The following RHBDD3 variants were observed in gnomAD, a reference collection of about 807,000 sequenced individuals.
The protein encoded by RHBDD3 is rhomboid domain-containing protein 3.
RHBDD3 carries 34 observed loss-of-function variants against 32.3 expected under a neutral mutation model. The ratio of observed to expected loss-of-function variants is 1.05; its 90% CI spans 0.80 to 1.40. RHBDD3 has a LOEUF of 1.40. Ranked by LOEUF, RHBDD3 falls within the 40% of genes most tolerant of loss-of-function variation. The pLI is 0.00. For synonymous variants in RHBDD3, 249 were observed against 239.1 expected (o/e 1.04, Z -0.38); for missense variants, 482 against 492.6 (o/e 0.98, Z 0.20).
intron 4 of RHBDD3, among the ~76,000 whole-genome samples, chr22:29,263,004 T>C (rs1016903927): frequency 2.0e-5 from 3 of 151,982 alleles, no homozygotes; most frequent in African/African-American, 4.8e-5. Flanking sequence ...GTCTCCCAAG[T>C]AGCTGGGACT....
chr22:29,268,006 C>G (rs2058267417), upstream of RHBDD3: 1 of 447,856 alleles, frequency 2.2e-6, no homozygotes, highest in Non-Finnish European at 4.1e-6. Context: ...AGCGACCGTC[C>G]CTAGAGCCAG....
Position 29,260,178 on chromosome 22 carries a change from G to T in RHBDD3, c.1043C>A (p.Ala348Asp). The change falls in exon 7 of 7, where the codon GCC (alanine) becomes GAC (aspartate). Residue 348 changes from alanine (A) to aspartate (D), a missense_variant. Coordinates refer to ENST00000216085, the MANE Select transcript of RHBDD3 (RefSeq NM_012265.3). ...CACGGCACCCTCCACACGGCCTGTG[G>T]CTGCCAGTGCCACCACCGCCTGCTC... ...PTEQAVVALAATGRVEGAVSL... is the reference protein window; with the variant it reads ...PTEQAVVALADTGRVEGAVSL... 1.3e-6 allele frequency: 2 copies of T among 1,590,348 alleles called. No homozygotes were observed. Among genetic ancestry groups the T allele is most frequent in the Non-Finnish European group, 1.7e-6 (2 of 1,168,704 alleles).
intron 4 of RHBDD3, chr22:29,261,806 C>G (rs1426028115): frequency 6.1e-6 from 1 of 163,606 alleles, no homozygotes; most frequent in Non-Finnish European, 1.3e-5. Flanking sequence ...AGGCACGTGC[C>G]ATCACACCTG....
chr22:29,261,540 G>A, intron 4 of RHBDD3: 1 of 337,140 alleles, frequency 3.0e-6, no homozygotes, highest in African/African-American at 2.2e-5. Context: ...GCTGTAGTGA[G>A]CTATGATGGC....
intron 4 of RHBDD3, 169 bp from the exon 5 acceptor site, chr22:29,261,033 G>A: frequency 1.4e-6 from 1 of 708,844 alleles, no homozygotes. Flanking sequence ...CAGAGGCTCA[G>A]AAAGGAAAAG....
intron 4 of RHBDD3, among the ~76,000 whole-genome samples, chr22:29,263,207 G>T (rs997261198): frequency 2.0e-5 from 3 of 152,232 alleles, no homozygotes; most frequent in African/African-American, 4.8e-5. Flanking sequence ...ACCACGCCCA[G>T]CTAATTTTTG....
At chr22:29,261,123 G>A (rs1602090823) in intron 4 of RHBDD3, 1 of 596,538 alleles carries the variant, frequency 1.7e-6, no homozygotes, top group Non-Finnish European at 3.0e-6. Flanking sequence ...GACCCACTCT[G>A]TTCCCAGAAC....
At chr22:29,264,405 CTG>C in intron 3 of RHBDD3, 187 bp from the exon 4 acceptor site, 1 of 1,417,596 alleles carries the variant, frequency 7.1e-7, no homozygotes, top group Non-Finnish European at 9.2e-7. Flanking sequence ...CTTCCAAACA[CTG>C]TGGCTACGCC....
rs752810348 is a variant in RHBDD3, at chr22:29,263,816, G to A, written c.532+19C>T. On this transcript the variant is annotated intron_variant, in intron 4 of 6. Coordinates refer to ENST00000216085, the MANE Select transcript of RHBDD3 (RefSeq NM_012265.3). ...GAACCCACACATCCCCACGGGCCCT[G>A]GGCTCAGGCAAAGGATACAGGCCAG... 5 of 1,502,358 alleles carry A rather than the reference G, an allele frequency of 3.3e-6. No individual in the cohort carries two copies. In the Admixed American group the frequency reaches 8.7e-5, roughly 26 times the overall value. 93.1% of individuals were successfully genotyped at this position (1,502,358 alleles called of 1,614,324 possible).
chr22:29,263,338 T>C (rs921749464), intron 4 of RHBDD3, among the ~76,000 whole-genome samples: 3 of 152,064 alleles, frequency 2.0e-5, no homozygotes, highest in African/African-American at 7.2e-5. Flanking sequence ...CCATCGCGCC[T>C]GGCCTAATTT....
rs1569018426 is a variant in RHBDD3 at position 29,260,786 on chromosome 22, G to A, written c.611C>T (p.Thr204Ile). ...QVLQEGVLCR[T>I]LAGCWPLRLL... ...CCTCAGGGGCCAGCACCCCGCCAAG[G>A]TCCTGCACAAGACGCCCTCCTGCAG... Residue 204 changes from threonine to isoleucine, a missense_variant, in exon 5 of 7, where the codon ACC becomes ATC. Transcript: ENST00000216085. The A allele has an allele frequency of 6.2e-7, 1 of 1,604,990 alleles. No homozygotes were observed. Among genetic ancestry groups the A allele is most frequent in the Non-Finnish European group, 8.5e-7 (1 of 1,177,236 alleles).
Position 29,264,112 on chromosome 22 carries a change from G to A in RHBDD3, c.255C>T (p.Gly85=), listed in dbSNP as rs752450051. The change falls in exon 4 of 7, where the codon GGC becomes GGT. Residue 85 remains glycine, a synonymous_variant. Coordinates refer to ENST00000216085, the MANE Select transcript of RHBDD3 (RefSeq NM_012265.3). ...CTGAGGCATGCAGGAATCTCAGCGT[G>A]CCCAGGTGGCACTCCTGCTGCCAGC... ...TVGWQQECHL[G]TLRFLHASAL... The A allele has an allele frequency of 2.0e-5, 32 of 1,585,656 alleles. No individual in the cohort carries two copies. Among genetic ancestry groups the A allele is most frequent in the Non-Finnish European group, 2.6e-5 (30 of 1,167,508 alleles).
intron 3 of RHBDD3, chr22:29,264,433 A>G: frequency 7.3e-7 from 1 of 1,361,968 alleles, no homozygotes; most frequent in Non-Finnish European, 9.4e-7. Context: ...GGTATTAAAC[A>G]GAATACACTG....
Position 29,264,060 on chromosome 22 carries a change from G to A in RHBDD3, c.307C>T (p.Leu103=). The A allele has an allele frequency of 6.3e-7, 1 of 1,576,680 alleles. No homozygotes were observed. Among genetic ancestry groups the A allele is most frequent in the Admixed American group, 1.9e-5 (1 of 53,812 alleles). The change falls in exon 4 of 7, where the codon CTG becomes TTG. Residue 103 remains leucine, a synonymous_variant. Coordinates refer to ENST00000216085, the MANE Select transcript of RHBDD3 (RefSeq NM_012265.3). ...CCAAGGCCTGCCAGCAGCACTGCCA[G>A]CAGCCCAGAAGCCAGGGCGAGCAGG... ...SALLALASGL[L]AVLLAGLGLS...
At chr22:29,263,720 G>GT in intron 4 of RHBDD3, 115 bp downstream of exon 4, 3 of 1,430,542 alleles carry the variant, frequency 2.1e-6, no homozygotes, top group Non-Finnish European at 2.7e-6. Flanking sequence ...TGGAATGTGT[G>GT]TGCACGGCTC....
In RHBDD3 at chr22:29,260,997, T is replaced by C. The variant is rs548641312; in HGVS notation, c.533-133A>G. 50 of 880,268 alleles carry C rather than the reference T, an allele frequency of 5.7e-5. No homozygotes were observed. In the South Asian group the frequency reaches 8.8e-4, roughly 15 times the overall value. The allele number at this position is 880,268 out of a possible 1,614,324, so 54.5% of individuals were successfully genotyped here. A position where few individuals can be genotyped will look rare whatever the true frequency, so the allele number is the denominator to read the frequency against. On this transcript the variant is annotated intron_variant, in intron 4 of 6. Transcript: ENST00000216085. Reference sequence around the variant, plus strand: ...CCCGTCTCCTCACTGTGGACCAGCATGGAATAGCGTCACCCTGGTCAGCAG... The same window carrying C: ...CCCGTCTCCTCACTGTGGACCAGCACGGAATAGCGTCACCCTGGTCAGCAG...
At chr22:29,263,406 A>T (rs111585451) in intron 4 of RHBDD3, among the ~76,000 whole-genome samples, 2 of 152,074 alleles carry the variant, frequency 1.3e-5, no homozygotes, top group East Asian at 1.9e-4. Context: ...CTTGAACTCC[A>T]GACCTCAAGT....
At chr22:29,261,694 A>C in intron 4 of RHBDD3, 1 of 187,322 alleles carries the variant, frequency 5.3e-6, no homozygotes, top group Non-Finnish European at 1.1e-5. Context: ...TCACTCTGTC[A>C]CCCAGGCTGA....
chr22:29,266,230 C>T (rs948991670), intron 2 of RHBDD3, among the ~76,000 whole-genome samples: 4 of 152,196 alleles, frequency 2.6e-5, no homozygotes, highest in African/African-American at 9.7e-5. Context: ...CCTCCTCCTG[C>T]TTCCTTACTG....
Sources: gnomAD v4.1 joint callset for allele counts (sites outside exome capture counted in the v4.1 genomes callset) on GRCh38, gnomAD v4.1.1 for gene constraint, MANE v1.5 for transcripts, NCBI Gene and HGNC (gene_info 2026-07-23, HGNC 2026-07-21) for gene names.